DOK5: variants seen among roughly 807,000 people sequenced by gnomAD.
The protein encoded by DOK5 is downstream of tyrosine kinase 5.
A neutral mutation model predicts 43.3 loss-of-function variants in DOK5; 27 were observed. That is an observed-to-expected ratio of 0.62 (90% CI 0.46 to 0.86). DOK5 has a LOEUF of 0.86. Ranked by LOEUF, DOK5 falls within the 40% of genes least tolerant of loss-of-function variation. DOK5 has a pLI of 0.00. For missense variants in DOK5, 373 were observed against 392.9 expected (o/e 0.95, Z 0.43); for synonymous variants, 146 against 140.1 (o/e 1.04, Z -0.30).
chr20:54,543,001 A>G (rs1984216687), intron 1 of DOK5, among the ~76,000 whole-genome samples: 1 of 150,900 alleles, frequency 6.6e-6, no homozygotes, highest in Admixed American at 6.6e-5. Context: ...GTAGAGTAGC[A>G]TAGAGTAAGT....
At chr20:54,641,698 A>T (rs13043438) in intron 6 of DOK5, among the ~76,000 whole-genome samples, 3,743 of 152,244 alleles carry the variant, frequency 0.025, 71 homozygotes, top group Non-Finnish European at 0.039. Flanking sequence ...CAATTTTCAT[A>T]TGAGCAACTA....
At chr20:54,521,193 T>TA (rs1002282768) in intron 1 of DOK5, among the ~76,000 whole-genome samples, 2 of 152,120 alleles carry the variant, frequency 1.3e-5, no homozygotes, top group African/African-American at 4.8e-5. Flanking sequence ...ATCCTTTTTT[T>TA]AATGACATGA....
chr20:54,593,792 A>G (rs1986051664), intron 5 of DOK5, among the ~76,000 whole-genome samples: 2 of 152,262 alleles, frequency 1.3e-5, no homozygotes, highest in Non-Finnish European at 2.9e-5. Context: ...TAGTACATAT[A>G]TACCATGGAA....
At chr20:54,600,263 G>T (rs1261660663) in intron 5 of DOK5, among the ~76,000 whole-genome samples, 1 of 152,154 alleles carries the variant, frequency 6.6e-6, no homozygotes, top group East Asian at 1.9e-4. Context: ...AGGTGGTTGT[G>T]AAGAATTTGG....
At chr20:54,497,344 C>A (rs1197268994) in intron 1 of DOK5, among the ~76,000 whole-genome samples, 1 of 152,158 alleles carries the variant, frequency 6.6e-6, no homozygotes, top group Non-Finnish European at 1.5e-5. Flanking sequence ...ATTTAAAATG[C>A]CAATTTAAAC....
chr20:54,557,677 C>G (rs1984758801), intron 2 of DOK5, among the ~76,000 whole-genome samples: 1 of 152,226 alleles, frequency 6.6e-6, no homozygotes, highest in Non-Finnish European at 1.5e-5. Context: ...TTTATACCTG[C>G]TCTTCCCTTT....
At chr20:54,604,203 C>T (rs931955479) in intron 5 of DOK5, among the ~76,000 whole-genome samples, 3 of 152,048 alleles carry the variant, frequency 2.0e-5, no homozygotes, top group Non-Finnish European at 2.9e-5. Flanking sequence ...ACCTCGGCCT[C>T]CCTAAGTACT....
chr20:54,489,888 A>G (rs1009431011), intron 1 of DOK5, among the ~76,000 whole-genome samples: 1 of 152,204 alleles, frequency 6.6e-6, no homozygotes, highest in Non-Finnish European at 1.5e-5. Flanking sequence ...TCACATGTAG[A>G]ATTTCATGAA....
At chr20:54,570,368 T>C (rs2146746909) in intron 2 of DOK5, among the ~76,000 whole-genome samples, 1 of 152,364 alleles carries the variant, frequency 6.6e-6, no homozygotes, top group Non-Finnish European at 1.5e-5. Context: ...TGTGCCTCTT[T>C]ATTTTCGGTA....
intron 1 of DOK5, among the ~76,000 whole-genome samples, chr20:54,518,013 A>G (rs1365220224): frequency 1.3e-5 from 2 of 152,120 alleles, no homozygotes; most frequent in Admixed American, 1.3e-4. Flanking sequence ...TCAGCCTTAC[A>G]GTTATTAAGC....
chr20:54,511,730 T>C (rs1164917408), intron 1 of DOK5, among the ~76,000 whole-genome samples: 4 of 152,226 alleles, frequency 2.6e-5, no homozygotes, highest in Non-Finnish European at 5.9e-5. Context: ...GTGACATTGA[T>C]GGGACCTGAT....
At chr20:54,637,657 G>A (rs1276450279) in intron 6 of DOK5, among the ~76,000 whole-genome samples, 1 of 152,210 alleles carries the variant, frequency 6.6e-6, no homozygotes, top group African/African-American at 2.4e-5. Context: ...TTCAGCCTTG[G>A]GCTAACAGTG....
intron 1 of DOK5, among the ~76,000 whole-genome samples, chr20:54,518,170 A>G (rs1284198962): frequency 6.6e-6 from 1 of 152,106 alleles, no homozygotes; most frequent in African/African-American, 2.4e-5. Context: ...CATGTGCACA[A>G]CATGCAAGTT....
At chr20:54,647,170 T>C (rs886360225) in intron 7 of DOK5, among the ~76,000 whole-genome samples, 1 of 152,188 alleles carries the variant, frequency 6.6e-6, no homozygotes, top group Non-Finnish European at 1.5e-5. Context: ...AATTCTCTTC[T>C]ATGATTATGC....
chr20:54,639,648 AT>A (rs578002977), intron 6 of DOK5, among the ~76,000 whole-genome samples: 1 of 152,062 alleles, frequency 6.6e-6, no homozygotes, highest in Admixed American at 6.6e-5. Context: ...ATAAAAATAT[AT>A]TTTTTAAGTA....
rs59897200 is a variant in DOK5 at position 54,595,152 on chromosome 20, T to C, written c.599+3347T>C. Among the ~76,000 whole-genome samples the C allele has an allele frequency of 7.9e-3, 1,202 of 152,196 alleles. 15 individuals are homozygous for C. The highest frequency in any genetic ancestry group is 0.027 in the African/African-American group (1,140 of 41,526). ...GTCAGGAGATCGAGACCATCCTGGC[T>C]AACACGGTGAAACCCCATCTCTACT... On this transcript the variant is annotated intron_variant, in intron 5 of 7. Coordinates refer to ENST00000262593, the MANE Select transcript of DOK5 (RefSeq NM_018431.5).
intron 2 of DOK5, among the ~76,000 whole-genome samples, chr20:54,566,218 G>A (rs1190303005): frequency 6.6e-6 from 1 of 151,490 alleles, no homozygotes; most frequent in African/African-American, 2.4e-5. Flanking sequence ...ACTCCCTTGG[G>A]ACTTATCCAA....
chr20:54,487,308 A>C (rs919701807), intron 1 of DOK5, among the ~76,000 whole-genome samples: 1 of 152,170 alleles, frequency 6.6e-6, no homozygotes, highest in Non-Finnish European at 1.5e-5. Flanking sequence ...TTAGGTGCAG[A>C]GTGTTCAGCT....
intron 5 of DOK5, among the ~76,000 whole-genome samples, chr20:54,592,541 A>ATT (rs767769473): frequency 0.013 from 1,810 of 140,074 alleles, 46 homozygotes; most frequent in African/African-American, 0.042. Flanking sequence ...ACTGCAGGTA[A>ATT]TTTTTTTTTT....
Sources: gnomAD v4.1 joint callset for allele counts (sites outside exome capture counted in the v4.1 genomes callset) on GRCh38, gnomAD v4.1.1 for gene constraint, MANE v1.5 for transcripts, NCBI Gene and HGNC (gene_info 2026-07-23, HGNC 2026-07-21) for gene names.